The following MAPK10 variants were observed in gnomAD, a reference collection of about 807,000 sequenced individuals.
The protein encoded by MAPK10 is mitogen-activated protein kinase 10.
Under a neutral mutation model 59.3 loss-of-function variants are expected in MAPK10, and 25 were observed. That is an observed-to-expected ratio of 0.42 (90% CI 0.31 to 0.59). The LOEUF is 0.59. MAPK10 is among the 20% of genes least tolerant of loss of function. The probability of loss-of-function intolerance (pLI) is 0.15; values close to 1 mark genes in which losing one functional copy is unlikely to be tolerated. For synonymous variants in MAPK10, 190 were observed against 200.5 expected, an observed-to-expected ratio of 0.95 and a Z score of 0.44; for missense variants, 351 against 568.9, an observed-to-expected ratio of 0.62 and a Z score of 3.90.
intron 1 of MAPK10, among the ~76,000 whole-genome samples, chr4:86,418,714 T>C (rs180873651): frequency 1.0e-3 from 154 of 152,336 alleles, no homozygotes; most frequent in Middle Eastern, 3.4e-3. Flanking sequence ...AAAAGACACT[T>C]GCACATGCAT....
chr4:86,142,818 T>C (rs922500982), intron 4 of MAPK10, among the ~76,000 whole-genome samples: 4 of 152,164 alleles, frequency 2.6e-5, no homozygotes, highest in East Asian at 3.9e-4. Context: ...TCCCTCCTCA[T>C]GGTTATAAGA....
At chr4:86,392,691 C>G (rs1364459874) in intron 1 of MAPK10, among the ~76,000 whole-genome samples, 3 of 151,908 alleles carry the variant, frequency 2.0e-5, no homozygotes, top group Admixed American at 6.6e-5. Flanking sequence ...GTGTCAGATA[C>G]ATAAAAGGTG....
At chr4:86,076,056 C>T (rs1436863236) in intron 9 of MAPK10, among the ~76,000 whole-genome samples, 5 of 152,028 alleles carry the variant, frequency 3.3e-5, no homozygotes, top group African/African-American at 1.2e-4. Flanking sequence ...ATTCCGTGGG[C>T]GTAGGACCCT....
intron 9 of MAPK10, among the ~76,000 whole-genome samples, chr4:86,084,918 G>C (rs1264095705): frequency 2.6e-5 from 4 of 152,140 alleles, no homozygotes; most frequent in Non-Finnish European, 5.9e-5. Context: ...CAATAGAACA[G>C]AAGATAGAAC....
At chr4:86,034,126 T>A (rs1001517374) in intron 11 of MAPK10, among the ~76,000 whole-genome samples, 3 of 151,954 alleles carry the variant, frequency 2.0e-5, no homozygotes, top group Non-Finnish European at 4.4e-5. Flanking sequence ...TTTAGGAGAG[T>A]TTAGCAGATA....
Position 86,423,617 on chromosome 4 carries a change from G to T in MAPK10, c.-122+29413C>A, listed in dbSNP as rs143421647. On this transcript the variant is annotated intron_variant, in intron 1 of 13. Transcript: ENST00000361569. ...AATCTGGAGGCCTTATACTTGCAAA[G>T]AAAACTGAGGGGGTTATTTTTTGTG... 6.0e-3 allele frequency among the ~76,000 whole-genome samples: 918 copies of T among 151,922 alleles called. 7 individuals carry two copies. The highest frequency in any genetic ancestry group is 0.02 in the African/African-American group (821 of 41,434).
intron 11 of MAPK10, among the ~76,000 whole-genome samples, chr4:86,040,039 C>T (rs536361206): frequency 6.6e-6 from 1 of 152,230 alleles, no homozygotes; most frequent in South Asian, 2.1e-4. Context: ...CAAAGCCAGT[C>T]TGCAAAGACT....
chr4:86,440,433 A>C lies in MAPK10; in HGVS notation c.-122+12597T>G, dbSNP rs527319599. Among the ~76,000 whole-genome samples the C allele has an allele frequency of 2.0e-4, 31 of 152,192 alleles. No homozygotes were observed. In the South Asian group the frequency reaches 6.2e-3, roughly 31 times the overall value. The stretch of plus-strand genomic sequence containing the variant: ...GAATATCTTTTGAACCTAGGAGTTC[A>C]AGATCAGCCTGGGCAAGTGAGATCC... On this transcript the variant is annotated intron_variant, in intron 1 of 13. Coordinates refer to the MAPK10 transcript ENST00000361569.
intron 2 of MAPK10, among the ~76,000 whole-genome samples, chr4:86,280,732 C>T (rs1365206443): frequency 1.3e-5 from 2 of 151,930 alleles, no homozygotes; most frequent in African/African-American, 4.8e-5. Context: ...GAAAATGTGG[C>T]ACATATACAC....
chr4:86,054,304 A>C (rs1355558435), intron 11 of MAPK10, among the ~76,000 whole-genome samples: 1 of 152,186 alleles, frequency 6.6e-6, no homozygotes, highest in Non-Finnish European at 1.5e-5. Flanking sequence ...GGCTCCTAAA[A>C]GCAGGTGGCT....
chr4:86,457,260 C>T (rs983908915), upstream of MAPK10, among the ~76,000 whole-genome samples: 1 of 152,000 alleles, frequency 6.6e-6, no homozygotes, highest in Non-Finnish European at 1.5e-5. Context: ...ACAAGGATGC[C>T]CACTCTCACC....
At chr4:86,122,414 C>T (rs2059408649) in intron 4 of MAPK10, among the ~76,000 whole-genome samples, 1 of 152,128 alleles carries the variant, frequency 6.6e-6, no homozygotes, top group Non-Finnish European at 1.5e-5. Flanking sequence ...TTTAACTGGA[C>T]CACTTCCACC....
intron 1 of MAPK10, among the ~76,000 whole-genome samples, chr4:86,545,891 G>GC (rs1759110759): frequency 6.6e-6 from 1 of 152,186 alleles, no homozygotes; most frequent in Non-Finnish European, 1.5e-5. Flanking sequence ...GCAAACCACT[G>GC]CAACAACATT....
intron 5 of MAPK10, among the ~76,000 whole-genome samples, chr4:86,104,060 A>G (rs2056083265): frequency 2.0e-5 from 3 of 152,104 alleles, no homozygotes. Context: ...TTTTATAAAA[A>G]TTAGATAAGT....
At chr4:86,307,499 G>A (rs527982361) in intron 2 of MAPK10, among the ~76,000 whole-genome samples, 1 of 152,258 alleles carries the variant, frequency 6.6e-6, no homozygotes, top group South Asian at 2.1e-4. Flanking sequence ...AATGCATAAA[G>A]AAAAGAGAAT....
At chr4:86,111,269 T>C (rs1347810660) in intron 4 of MAPK10, among the ~76,000 whole-genome samples, 1 of 152,184 alleles carries the variant, frequency 6.6e-6, no homozygotes, top group East Asian at 1.9e-4. Context: ...CTATGTTTAA[T>C]AGGCATGAAG....
chr4:86,208,922 C>T (rs1001482487), intron 2 of MAPK10, among the ~76,000 whole-genome samples: 1 of 151,976 alleles, frequency 6.6e-6, no homozygotes, highest in Non-Finnish European at 1.5e-5. Flanking sequence ...CTAATGTTGT[C>T]AACTTTATAG....
intron 2 of MAPK10, among the ~76,000 whole-genome samples, chr4:86,205,302 C>T (rs1050496440): frequency 2.6e-5 from 4 of 151,946 alleles, no homozygotes; most frequent in African/African-American, 7.2e-5. Flanking sequence ...CAGTCTTGGA[C>T]TTATATGCAC....
intron 2 of MAPK10, among the ~76,000 whole-genome samples, chr4:86,287,599 T>C (rs1448580032): frequency 2.0e-5 from 3 of 152,224 alleles, no homozygotes; most frequent in Non-Finnish European, 4.4e-5. Context: ...ATTGTCCCTA[T>C]ATGTTCTAAG....
Sources: gnomAD v4.1 joint callset for allele counts (sites outside exome capture counted in the v4.1 genomes callset) on GRCh38, gnomAD v4.1.1 for gene constraint, MANE v1.5 for transcripts, NCBI Gene and HGNC (gene_info 2026-07-23, HGNC 2026-07-21) for gene names.